SFMBT2: variants seen among roughly 807,000 people sequenced by gnomAD.
SFMBT2 encodes Scm like with four mbt domains 2.
SFMBT2 carries 38 observed loss-of-function variants against 110.1 expected under a neutral mutation model. That is an observed-to-expected ratio of 0.35 (90% CI 0.27 to 0.45). The LOEUF (loss-of-function observed/expected upper bound fraction) is 0.45. Among genes scored for constraint, SFMBT2 ranks in the 20% least tolerant of loss-of-function variants. The pLI, the probability that SFMBT2 is intolerant of heterozygous loss-of-function variation, is 1.00. For synonymous variants in SFMBT2, 425 were observed against 425.4 expected (o/e 1.00, Z 0.01); for missense variants, 1,011 against 1,094.9 (o/e 0.92, Z 1.08).
chr10:7,279,887 T>G (rs4748804), intron 6 of SFMBT2, among the ~76,000 whole-genome samples: 1 of 151,988 alleles, frequency 6.6e-6, no homozygotes, highest in African/African-American at 2.4e-5. Flanking sequence ...CCAGGTCCTA[T>G]CCAGTGAAGA....
chr10:7,286,143 T>A (rs1842080427), intron 4 of SFMBT2, among the ~76,000 whole-genome samples, 189 bp from the exon 5 acceptor site: 1 of 152,228 alleles, frequency 6.6e-6, no homozygotes, highest in Non-Finnish European at 1.5e-5. Flanking sequence ...TGTCTCTAAG[T>A]AGCAACTTGA....
intron 9 of SFMBT2, among the ~76,000 whole-genome samples, chr10:7,240,599 C>T (rs1292446614): frequency 6.6e-6 from 1 of 152,136 alleles, no homozygotes; most frequent in Non-Finnish European, 1.5e-5. Context: ...ACACAGCTTG[C>T]ACCTTCCTGC....
intron 11 of SFMBT2, among the ~76,000 whole-genome samples, chr10:7,216,079 G>C (rs750056283): frequency 6.6e-6 from 1 of 152,174 alleles, no homozygotes; most frequent in Non-Finnish European, 1.5e-5. Flanking sequence ...TTTAGAAATG[G>C]GGAAACCAGG....
At chr10:7,307,722 T>C (rs945508579) in intron 4 of SFMBT2, among the ~76,000 whole-genome samples, 1 of 152,196 alleles carries the variant, frequency 6.6e-6, no homozygotes, top group African/African-American at 2.4e-5. Context: ...TACAAAGCTG[T>C]TGGAGAACAA....
chr10:7,382,484 C>T (rs945532009), intron 1 of SFMBT2, among the ~76,000 whole-genome samples: 2 of 152,096 alleles, frequency 1.3e-5, no homozygotes, highest in Non-Finnish European at 1.5e-5. Context: ...AAGGTCTCGG[C>T]GTAGCAAAAC....
chr10:7,234,174 T>G (rs1351361477), intron 9 of SFMBT2, among the ~76,000 whole-genome samples: 1 of 152,170 alleles, frequency 6.6e-6, no homozygotes, highest in Non-Finnish European at 1.5e-5. Context: ...CCCAATTGAA[T>G]TACTCTGTGT....
At chr10:7,187,018 C>T (rs578092255) in intron 16 of SFMBT2, among the ~76,000 whole-genome samples, 1 of 152,204 alleles carries the variant, frequency 6.6e-6, no homozygotes, top group Non-Finnish European at 1.5e-5. Flanking sequence ...CTGGGTTTCA[C>T]CATGTCTGTT....
At chr10:7,276,157 A>T (rs748072230) in intron 7 of SFMBT2, among the ~76,000 whole-genome samples, 1 of 152,208 alleles carries the variant, frequency 6.6e-6, no homozygotes, top group Non-Finnish European at 1.5e-5. Flanking sequence ...GTGGAGATGC[A>T]TTTCACAAGC....
At chr10:7,405,615 G>T (rs562570868) in intron 1 of SFMBT2, among the ~76,000 whole-genome samples, 5 of 152,218 alleles carry the variant, frequency 3.3e-5, no homozygotes, top group Non-Finnish European at 5.9e-5. Context: ...ACATGAGTAT[G>T]AAAGATGAAT....
intron 4 of SFMBT2, among the ~76,000 whole-genome samples, chr10:7,334,842 A>G (rs1826717891): frequency 6.6e-6 from 1 of 152,196 alleles, no homozygotes; most frequent in Admixed American, 6.5e-5. Context: ...ACTGCATCAG[A>G]GACAAGCGTG....
chr10:7,401,372 A>T (rs1846078561), intron 1 of SFMBT2, among the ~76,000 whole-genome samples: 2 of 152,204 alleles, frequency 1.3e-5, no homozygotes, highest in Admixed American at 1.3e-4. Flanking sequence ...TCCAGGTCAA[A>T]GGACACAACA....
intron 4 of SFMBT2, among the ~76,000 whole-genome samples, chr10:7,297,873 A>G (rs995594908): frequency 6.6e-6 from 1 of 152,208 alleles, no homozygotes; most frequent in Non-Finnish European, 1.5e-5. Flanking sequence ...ACCTGAGGAT[A>G]GTATCTGCAA....
intron 1 of SFMBT2, among the ~76,000 whole-genome samples, chr10:7,385,548 G>A (rs994407555): frequency 6.6e-6 from 1 of 152,130 alleles, no homozygotes; most frequent in East Asian, 1.9e-4. Flanking sequence ...AGGAGAAAGG[G>A]GCCTTGAAGG....
At chr10:7,202,772 T>C in intron 12 of SFMBT2, 6 of 985,406 alleles carry the variant, frequency 6.1e-6, no homozygotes, top group Non-Finnish European at 7.2e-6. Flanking sequence ...TACTTTATTT[T>C]TAAATGTGCA....
chr10:7,176,083 C>A lies in SFMBT2; in HGVS notation c.1891G>T (p.Ala631Ser), dbSNP rs752900429. 5.6e-6 allele frequency: 9 copies of A among 1,614,226 alleles called. No homozygotes were observed. In the South Asian group the frequency reaches 9.9e-5, roughly 18 times the overall value. The change falls in exon 17 of 21, where the codon GCC becomes TCC. Residue 631 changes from alanine to serine, a missense_variant. Ala to Ser is a moderately conservative substitution (Grantham distance 99, BLOSUM62 1). Coordinates refer to ENST00000397167, the MANE Select transcript of SFMBT2 (RefSeq NM_001387889.1). ...AAATTTGGACAGCACTCTAGCTTGGCACAGACTCGGCGGCAGAAATTTGCG... is the reference window on the plus strand; with the variant it reads ...AAATTTGGACAGCACTCTAGCTTGGAACAGACTCGGCGGCAGAAATTTGCG... ...QVANFCRRVC[A>S]KLECCPNLFS...
At chr10:7,229,080 C>T (rs1840033890) in intron 9 of SFMBT2, among the ~76,000 whole-genome samples, 1 of 152,106 alleles carries the variant, frequency 6.6e-6, no homozygotes, top group South Asian at 2.1e-4. Flanking sequence ...TGTGTAAATG[C>T]CCCTAGTATC....
At chr10:7,409,672 CT>C (rs112742051) in intron 1 of SFMBT2, among the ~76,000 whole-genome samples, 2 of 152,074 alleles carry the variant, frequency 1.3e-5, no homozygotes, top group Admixed American at 6.5e-5. Context: ...CCCATTCCTT[CT>C]TTTTTTCCCC....
chr10:7,161,164 A>G lies in SFMBT2; in HGVS notation c.*2606T>C, dbSNP rs1837541320. Reference sequence around the variant, plus strand: ...CACTTTCCCCTGCGACAGTGGCTGTATCCTTCCTGAGCTCCTGGCGGGCCA... The same window carrying G: ...CACTTTCCCCTGCGACAGTGGCTGTGTCCTTCCTGAGCTCCTGGCGGGCCA... On this transcript the variant is annotated 3_prime_UTR_variant, in exon 21 of 21. Coordinates refer to ENST00000397167, the MANE Select transcript of SFMBT2 (RefSeq NM_001387889.1). 6.6e-6 allele frequency: 1 copy of G among 152,248 alleles called. No individual in the cohort carries two copies. The allele number at this position is 152,248 out of a possible 1,614,324, so 9.4% of individuals were successfully genotyped here. A position where few individuals can be genotyped will look rare whatever the true frequency, so the allele number is the denominator to read the frequency against.
intron 11 of SFMBT2, among the ~76,000 whole-genome samples, chr10:7,218,612 AC>A (rs1588350491): frequency 6.6e-6 from 1 of 152,192 alleles, no homozygotes; most frequent in Non-Finnish European, 1.5e-5. Flanking sequence ...TTTCATCACT[AC>A]CCAATGAAAA....
Sources: allele counts gnomAD v4.1 joint callset (sites outside exome capture counted in the v4.1 genomes callset), GRCh38; gene constraint gnomAD v4.1.1; transcripts MANE v1.5; gene names NCBI Gene and HGNC (gene_info 2026-07-23, HGNC 2026-07-21).